Variants in DRAM1 observed in about 807,000 individuals in gnomAD.
DRAM1 encodes the protein DNA damage-regulated autophagy modulator protein 1.
DRAM1 carries 25 observed loss-of-function variants against 28.5 expected under a neutral mutation model. The ratio of observed to expected loss-of-function variants is 0.88; its 90% confidence interval spans 0.64 to 1.23. The LOEUF is 1.23. Among genes scored for constraint, DRAM1 ranks in the 50% most tolerant of loss-of-function variants. The pLI, the probability that DRAM1 is intolerant of heterozygous loss-of-function variation, is 0.00. For missense variants in DRAM1, 249 were observed against 299.2 expected, an observed-to-expected ratio of 0.83 and a Z score of 1.24; for synonymous variants, 113 against 114.2, an observed-to-expected ratio of 0.99 and a Z score of 0.07.
chr12:101,879,828 T>G (rs950534233), intron 1 of DRAM1, among the ~76,000 whole-genome samples: 2 of 152,064 alleles, frequency 1.3e-5, no homozygotes, highest in Non-Finnish European at 2.9e-5. Flanking sequence ...ACCTCATCTC[T>G]ACTAAAAATA....
intron 1 of DRAM1, among the ~76,000 whole-genome samples, chr12:101,895,186 G>GTTTTTTTTTTGTTTGTTTTT (rs1873300674): frequency 1.5e-4 from 11 of 75,720 alleles, no homozygotes; most frequent in Non-Finnish European, 1.9e-4. Context: ...AACCCTTCAG[G>GTTTTTTTTTTGTTTGTTTTT]TTTTTTTTTT....
chr12:101,916,776 C>T (rs1303182482), intron 5 of DRAM1, among the ~76,000 whole-genome samples: 1 of 152,304 alleles, frequency 6.6e-6, no homozygotes, highest in Admixed American at 6.5e-5. Context: ...ATTGATGAGT[C>T]CCTACCACAT....
intron 4 of DRAM1, among the ~76,000 whole-genome samples, chr12:101,909,979 G>A (rs1873979201): frequency 6.6e-6 from 1 of 152,200 alleles, no homozygotes; most frequent in Non-Finnish European, 1.5e-5. Context: ...TCTGGGTTGA[G>A]TTACGGTATA....
intron 1 of DRAM1, among the ~76,000 whole-genome samples, chr12:101,884,557 T>C (rs945701062): frequency 6.6e-6 from 1 of 152,228 alleles, no homozygotes; most frequent in Admixed American, 6.5e-5. Flanking sequence ...TCTGTGATCC[T>C]TTACTCTTCA....
chr12:101,891,900 C>T (rs1873140273), intron 1 of DRAM1, among the ~76,000 whole-genome samples: 1 of 152,210 alleles, frequency 6.6e-6, no homozygotes, highest in African/African-American at 2.4e-5. Context: ...CACTCATTCT[C>T]CAGTGTACTG....
chr12:101,884,667 A>T (rs1872817914), intron 1 of DRAM1, among the ~76,000 whole-genome samples: 1 of 152,188 alleles, frequency 6.6e-6, no homozygotes, highest in African/African-American at 2.4e-5. Context: ...TTGGCCACCC[A>T]TATTGTCCTA....
In DRAM1 at chr12:101,921,211, A is replaced by T. The variant is rs776905773; in HGVS notation, c.673-5A>T. The T allele has an allele frequency of 1.1e-5, 18 of 1,593,166 alleles. No homozygotes were observed. Among genetic ancestry groups the T allele is most frequent in the Non-Finnish European group, 1.6e-5 (18 of 1,161,188 alleles). On this transcript the variant is annotated splice_polypyrimidine_tract_variant and splice_region_variant and intron_variant, in intron 6 of 6. Transcript: ENST00000258534. ...TAAACCTTTCTCTTTCATTTTTAAA[A>T]ATAGAGTGTCACCCTAAGGATATCC...
chr12:101,907,216 AAAG>A (rs1448547454), intron 3 of DRAM1, among the ~76,000 whole-genome samples: 19 of 140,676 alleles, frequency 1.4e-4, no homozygotes, highest in Admixed American at 5.0e-4. Context: ...AAAAAAAAAA[AAAG>A]AAGAAAAAAG....
rs757014273 is a variant in DRAM1 at position 101,921,301 on chromosome 12, C to T, written c.*41C>T. 18 of 1,562,006 alleles carry T rather than the reference C, an allele frequency of 1.2e-5. No individual in the cohort carries two copies. In the Admixed American group the frequency reaches 2.8e-4, roughly 25 times the overall value. ...GTCTCACTCAGTGAATGTCGCAGGCCATTTCTAAAAGTGCTACAGAGGACA... is the reference window on the plus strand; with the variant it reads ...GTCTCACTCAGTGAATGTCGCAGGCTATTTCTAAAAGTGCTACAGAGGACA... On this transcript the variant is annotated 3_prime_UTR_variant, in exon 7 of 7. Transcript: ENST00000258534.
chr12:101,915,456 C>T (rs879667899), intron 5 of DRAM1, among the ~76,000 whole-genome samples: 15 of 151,670 alleles, frequency 9.9e-5, no homozygotes, highest in Non-Finnish European at 1.2e-4. Context: ...TCACTGCAGC[C>T]GGGGATAACT....
intron 3 of DRAM1, among the ~76,000 whole-genome samples, chr12:101,905,454 G>A (rs1873768621): frequency 6.6e-6 from 1 of 150,800 alleles, no homozygotes; most frequent in African/African-American, 2.4e-5. Context: ...GCAAATTTTT[G>A]TAGTTTTTGC....
chr12:101,907,199 C>T (rs73178508), intron 3 of DRAM1, among the ~76,000 whole-genome samples: 10,697 of 84,450 alleles, frequency 0.13, 624 homozygotes, highest in Middle Eastern at 0.22. Context: ...GACCCTGTCT[C>T]AAAAAAAAAA....
At chr12:101,898,346 C>T (rs1298968866) in intron 2 of DRAM1, among the ~76,000 whole-genome samples, 1 of 152,126 alleles carries the variant, frequency 6.6e-6, no homozygotes, top group East Asian at 1.9e-4. Context: ...TTTAAAAGCA[C>T]AATCTTTGCA....
intron 1 of DRAM1, among the ~76,000 whole-genome samples, chr12:101,881,316 C>T (rs1872678555): frequency 6.6e-6 from 1 of 151,818 alleles, no homozygotes; most frequent in Non-Finnish European, 1.5e-5. Flanking sequence ...GAAGTGATAA[C>T]TCTACATTTA....
intron 1 of DRAM1, among the ~76,000 whole-genome samples, chr12:101,888,274 C>T (rs766998289): frequency 7.2e-4 from 109 of 151,790 alleles, no homozygotes; most frequent in Non-Finnish European, 1.4e-3. Flanking sequence ...GGATTACAGG[C>T]GTCCGCCACC....
chr12:101,892,623 A>G (rs1873182481), intron 1 of DRAM1, among the ~76,000 whole-genome samples: 1 of 152,024 alleles, frequency 6.6e-6, no homozygotes, highest in African/African-American at 2.4e-5. Context: ...AAACGTTCAC[A>G]TTTTCATTTG....
chr12:101,921,519 GA>G lies in DRAM1; in HGVS notation c.*265del, dbSNP rs1425698685. The G allele has an allele frequency of 3.3e-6, 1 of 298,964 alleles. No homozygotes were observed. Among genetic ancestry groups the G allele is most frequent in the African/African-American group, 2.2e-5 (1 of 45,828 alleles). The allele number at this position is 298,964 out of a possible 1,614,324, so 18.5% of individuals were successfully genotyped here. On this transcript the variant is annotated 3_prime_UTR_variant, in exon 7 of 7. Transcript: ENST00000258534. ...TTTTATATTAACAAATTCATATACA[GA>G]AAAAATAAGGTGTTACAAAAAATGG...
At chr12:101,909,843 A>G (rs1873973557) in intron 4 of DRAM1, among the ~76,000 whole-genome samples, 1 of 152,222 alleles carries the variant, frequency 6.6e-6, no homozygotes, top group Non-Finnish European at 1.5e-5. Flanking sequence ...AGAGTTGCAG[A>G]GTTCCCCATC....
At chr12:101,891,827 TGTG>T (rs1185382193) in intron 1 of DRAM1, among the ~76,000 whole-genome samples, 1 of 152,186 alleles carries the variant, frequency 6.6e-6, no homozygotes, top group Non-Finnish European at 1.5e-5. Context: ...TGCAGAATGA[TGTG>T]GTAGGAGCTG....
Sources: gnomAD v4.1 joint callset for allele counts (sites outside exome capture counted in the v4.1 genomes callset) on GRCh38, gnomAD v4.1.1 for gene constraint, MANE v1.5 for transcripts, NCBI Gene and HGNC (gene_info 2026-07-23, HGNC 2026-07-21) for gene names.